DACH1: variants seen among roughly 807,000 people sequenced by gnomAD.
The protein encoded by DACH1 is dachshund homolog 1.
In DACH1, 12 loss-of-function variants were observed where a neutral mutation model predicts 54.2. The ratio of observed to expected loss-of-function variants is 0.22; its 90% CI spans 0.14 to 0.36. DACH1 has a LOEUF of 0.36. Among genes scored for constraint, DACH1 ranks in the 10% least tolerant of loss-of-function variants. The probability of loss-of-function intolerance (pLI) is 1.00; values close to 1 mark genes in which losing one functional copy is unlikely to be tolerated. For synonymous variants in DACH1, 386 were observed against 366.2 expected, an observed-to-expected ratio of 1.05 and a Z score of -0.62; for missense variants, 805 against 929.8, an observed-to-expected ratio of 0.87 and a Z score of 1.75.
At chr13:71,718,384 A>C (rs957525709) in intron 1 of DACH1, among the ~76,000 whole-genome samples, 2 of 152,032 alleles carry the variant, frequency 1.3e-5, no homozygotes, top group African/African-American at 4.8e-5. Flanking sequence ...CAGGAGTTCA[A>C]GACCAGTCTG....
chr13:71,606,333 ACTGT>A (rs1874879462), intron 3 of DACH1, among the ~76,000 whole-genome samples: 1 of 152,036 alleles, frequency 6.6e-6, no homozygotes, highest in African/African-American at 2.4e-5. Flanking sequence ...CAGTTTGATA[ACTGT>A]CAGTTCAATG....
At chr13:71,721,595 G>T (rs908378488) in intron 1 of DACH1, among the ~76,000 whole-genome samples, 2 of 151,996 alleles carry the variant, frequency 1.3e-5, no homozygotes, top group Admixed American at 6.6e-5. Context: ...TATTTCAAAA[G>T]AACTAAAATA....
intron 1 of DACH1, among the ~76,000 whole-genome samples, chr13:71,844,512 T>C (rs1873093361): frequency 6.6e-6 from 1 of 152,208 alleles, no homozygotes; most frequent in African/African-American, 2.4e-5. Context: ...CTATACCTCC[T>C]CTCCTAAATG....
At chr13:71,786,700 C>A (rs1348160102) in intron 1 of DACH1, among the ~76,000 whole-genome samples, 1 of 152,064 alleles carries the variant, frequency 6.6e-6, no homozygotes, top group Non-Finnish European at 1.5e-5. Flanking sequence ...TAAGTCCAAT[C>A]TTTTTGCCCT....
intron 6 of DACH1, among the ~76,000 whole-genome samples, chr13:71,512,943 T>A (rs919453195): frequency 6.6e-6 from 1 of 151,888 alleles, no homozygotes; most frequent in African/African-American, 2.4e-5. Flanking sequence ...ATAATTGACA[T>A]AGATGCTTTA....
intron 1 of DACH1, among the ~76,000 whole-genome samples, chr13:71,688,941 G>T (rs1881326022): frequency 6.6e-6 from 1 of 152,124 alleles, no homozygotes; most frequent in South Asian, 2.1e-4. Context: ...TTTGTTTACT[G>T]GGGCAAGTTA....
At chr13:71,665,337 A>C (rs541344465) in intron 2 of DACH1, among the ~76,000 whole-genome samples, 1 of 152,158 alleles carries the variant, frequency 6.6e-6, no homozygotes, top group East Asian at 1.9e-4. Flanking sequence ...ATGTGGAAAT[A>C]TAATTTTTAA....
chr13:71,558,089 CTCT>C, intron 5 of DACH1, among the ~76,000 whole-genome samples: 1 of 151,650 alleles, frequency 6.6e-6, no homozygotes, highest in Non-Finnish European at 1.5e-5. Flanking sequence ...GATCATTTTT[CTCT>C]TATGTAAAAT....
chr13:71,866,894 A>C lies in DACH1; in HGVS notation c.-125T>G. On this transcript the variant is annotated 5_prime_UTR_variant, in exon 1 of 11. Transcript: ENST00000613252. The stretch of plus-strand genomic sequence containing the variant: ...GGGGGCAACAACAACTCCGGGAGAG[A>C]ACGAGAAGGAGAAAGGGAGAGAAGG... The C allele has an allele frequency of 1.4e-6, 1 of 697,250 alleles. No individual in the cohort carries two copies. The highest frequency in any genetic ancestry group is 2.0e-6 in the Non-Finnish European group (1 of 502,844). 43.2% of individuals were successfully genotyped at this position (697,250 alleles called of 1,614,324 possible).
intron 3 of DACH1, among the ~76,000 whole-genome samples, chr13:71,607,629 G>A (rs1345178965): frequency 6.6e-6 from 1 of 151,954 alleles, no homozygotes; most frequent in African/African-American, 2.4e-5. Flanking sequence ...TGTGATAGTA[G>A]TCTTTGTGTT....
At chr13:71,499,356 A>C (rs2138228804) in intron 6 of DACH1, among the ~76,000 whole-genome samples, 1 of 152,274 alleles carries the variant, frequency 6.6e-6, no homozygotes, top group Non-Finnish European at 1.5e-5. Context: ...AAAGCTGCAA[A>C]ACAGACACGG....
intron 1 of DACH1, among the ~76,000 whole-genome samples, chr13:71,822,597 T>C (rs1888234066): frequency 6.6e-6 from 1 of 152,212 alleles, no homozygotes; most frequent in South Asian, 2.1e-4. Flanking sequence ...AATACAAAAA[T>C]TTCTAAAGAC....
At chr13:71,585,523 A>G (rs977123040) in intron 3 of DACH1, among the ~76,000 whole-genome samples, 4 of 152,152 alleles carry the variant, frequency 2.6e-5, no homozygotes, top group Non-Finnish European at 2.9e-5. Context: ...ACGGCACAAC[A>G]GCACACACCC....
At chr13:71,864,171 G>GCACATACACACA (rs1433924377) in intron 1 of DACH1, among the ~76,000 whole-genome samples, 1 of 115,544 alleles carries the variant, frequency 8.7e-6, no homozygotes, top group Admixed American at 9.5e-5. Flanking sequence ...TTGAGCGCGC[G>GCACATACACACA]CGCGCACATA....
chr13:71,862,371 G>A (rs1228210258), intron 1 of DACH1, among the ~76,000 whole-genome samples: 1 of 151,850 alleles, frequency 6.6e-6, no homozygotes, highest in African/African-American at 2.4e-5. Flanking sequence ...GTTATTTAAT[G>A]GTAAGCAGTT....
At chr13:71,551,812 A>G (rs944295450) in intron 6 of DACH1, among the ~76,000 whole-genome samples, 1 of 152,188 alleles carries the variant, frequency 6.6e-6, no homozygotes, top group African/African-American at 2.4e-5. Flanking sequence ...ACAAAAAGCC[A>G]AATATGGCCA....
chr13:71,750,167 A>C (rs1240685380), intron 1 of DACH1, among the ~76,000 whole-genome samples: 1 of 152,124 alleles, frequency 6.6e-6, no homozygotes, highest in Admixed American at 6.6e-5. Context: ...CCACTCCACT[A>C]TACCGATGTT....
chr13:71,735,198 T>C (rs1009261278), intron 1 of DACH1, among the ~76,000 whole-genome samples: 1 of 149,884 alleles, frequency 6.7e-6, no homozygotes, highest in African/African-American at 2.5e-5. Context: ...CGTATGTATA[T>C]GGGATACACG....
At chr13:71,459,267 C>T (rs139023834) in intron 10 of DACH1, among the ~76,000 whole-genome samples, 180 of 151,832 alleles carry the variant, frequency 1.2e-3, no homozygotes, top group African/African-American at 4.1e-3. Context: ...AAATTTTGTC[C>T]TCTTAAACTG....
Sources: gnomAD v4.1 joint callset for allele counts (sites outside exome capture counted in the v4.1 genomes callset) on GRCh38, gnomAD v4.1.1 for gene constraint, MANE v1.5 for transcripts, NCBI Gene and HGNC (gene_info 2026-07-23, HGNC 2026-07-21) for gene names.